PLEKHM2: variants seen among roughly 807,000 people sequenced by gnomAD.
PLEKHM2 encodes pleckstrin homology and RUN domain containing M2.
In PLEKHM2, 77 loss-of-function variants were observed where a neutral mutation model predicts 116.3. That is an observed-to-expected ratio of 0.66 (90% CI 0.55 to 0.80). The LOEUF is 0.80. Ranked by LOEUF, PLEKHM2 falls within the 30% of genes least tolerant of loss-of-function variation. The pLI is 0.00. For synonymous variants in PLEKHM2, 562 were observed against 571.0 expected (o/e 0.98, Z 0.22); for missense variants, 1,183 against 1,354.9 (o/e 0.87, Z 1.99).
rs763345925 is a variant in PLEKHM2 at position 15,727,638 on chromosome 1, G to A, written c.1566G>A (p.Arg522=). The change falls in exon 9 of 20, where the codon AGG becomes AGA. Residue 522 remains arginine (R), a synonymous_variant. Coordinates refer to ENST00000375799, the MANE Select transcript of PLEKHM2 (RefSeq NM_015164.4). The surrounding 1 kb of genome is among the most constrained non-coding windows in gnomAD (Gnocchi z 7.5). ...QTPRPLEDTT[R]EAQELEAQLS... is the part of the protein sequence containing the mutation. ...CTCGGCCCCTAGAGGATACCACGAG[G>A]GAGGCTCAGGAGCTGGAGGCCCAGC... 3 of 1,592,456 alleles carry A rather than the reference G, an allele frequency of 1.9e-6. No homozygotes were observed. The highest frequency in any genetic ancestry group is 2.3e-5 in the South Asian group (2 of 87,770).
Position 15,728,203 on chromosome 1 carries a change from G to A in PLEKHM2, c.1830+55G>A, listed in dbSNP as rs567414668. 1 of 1,603,418 alleles carries A rather than the reference G, an allele frequency of 6.2e-7. No individual in the cohort carries two copies. The highest frequency in any genetic ancestry group is 1.3e-5 in the African/African-American group (1 of 74,854). ...GAGACGGCAAGGGCAAGGCGGGATGGGCCACCGCCCCCGCTGGAGCGGCAG... is the reference window on the plus strand; with the variant it reads ...GAGACGGCAAGGGCAAGGCGGGATGAGCCACCGCCCCCGCTGGAGCGGCAG... On this transcript the variant is annotated intron_variant, in intron 10 of 19. Coordinates refer to ENST00000375799, the MANE Select transcript of PLEKHM2 (RefSeq NM_015164.4). The surrounding 1 kb of genome is among the most constrained non-coding windows in gnomAD (Gnocchi z 5.9).
chr1:15,702,697 C>A (rs1641138934), intron 1 of PLEKHM2, among the ~76,000 whole-genome samples: 1 of 147,192 alleles, frequency 6.8e-6, no homozygotes, highest in African/African-American at 2.5e-5. Context: ...GGATTACAGG[C>A]ATAAGCCACC....
rs1323128668 is a variant in PLEKHM2, at chr1:15,729,589, A to G, written c.2076-208A>G. Among the ~76,000 whole-genome samples the G allele has an allele frequency of 6.6e-6, 1 of 152,050 alleles. No homozygotes were observed. Among genetic ancestry groups the G allele is most frequent in the African/African-American group, 2.4e-5 (1 of 41,408 alleles). ...TGTCAAAATCCAAGGCCCCTTGGCC[A>G]TTGAGAACGATCAGGCCTGTTCCAG... is the stretch of plus-strand genomic sequence containing the variant. On this transcript the variant is annotated intron_variant, in intron 13 of 19. Coordinates refer to ENST00000375799, the MANE Select transcript of PLEKHM2 (RefSeq NM_015164.4). This position sits in a 1 kb window ranked among gnomAD's most constrained non-coding sequence, Gnocchi z 4.7.
chr1:15,734,107 C>G lies in PLEKHM2; in HGVS notation c.*173C>G. On this transcript the variant is annotated 3_prime_UTR_variant, in exon 20 of 20. Coordinates refer to ENST00000375799, the MANE Select transcript of PLEKHM2 (RefSeq NM_015164.4). The stretch of plus-strand genomic sequence containing the variant: ...GTCCCTCCACTCCAGGGATCCAGAT[C>G]AGGTGCCCGGCACCCCTGGGCATCC... 2 of 708,242 alleles carry G rather than the reference C, an allele frequency of 2.8e-6. No homozygotes were observed. The highest frequency in any genetic ancestry group is 2.0e-5 in the South Asian group (1 of 49,456). 43.9% of individuals were successfully genotyped at this position (708,242 alleles called of 1,614,324 possible).
At chr1:15,717,601 C>T (rs765701222) in intron 3 of PLEKHM2, among the ~76,000 whole-genome samples, 2 of 152,158 alleles carry the variant, frequency 1.3e-5, no homozygotes, top group Non-Finnish European at 2.9e-5. Context: ...GGTTTCTCTC[C>T]CTGAGCTGGG....
intron 7 of PLEKHM2, among the ~76,000 whole-genome samples, 190 bp from the exon 8 acceptor site, chr1:15,725,127 A>T (rs1046064299): frequency 3.3e-5 from 5 of 152,254 alleles, no homozygotes; most frequent in Admixed American, 1.3e-4. Flanking sequence ...GTTCCTTCCA[A>T]GTTGCTCCTA....
chr1:15,708,272 A>G (rs1416643723), intron 1 of PLEKHM2, among the ~76,000 whole-genome samples: 1 of 151,600 alleles, frequency 6.6e-6, no homozygotes, highest in Non-Finnish European at 1.5e-5. Context: ...GCTGGAGTGC[A>G]GTGGCACGAT....
intron 2 of PLEKHM2, 101 bp downstream of exon 2, chr1:15,716,444 C>A: frequency 1.3e-6 from 1 of 770,222 alleles, no homozygotes; most frequent in South Asian, 1.7e-5. Flanking sequence ...TTTCTTCTCT[C>A]CCCTTGGCAG....
upstream of PLEKHM2, among the ~76,000 whole-genome samples, chr1:15,682,049 A>T (rs1325945931): frequency 6.6e-6 from 1 of 152,010 alleles, no homozygotes; most frequent in Admixed American, 6.6e-5. Context: ...TACAAAAAAT[A>T]AAATTCGCTG....
rs1361252513 is a variant in PLEKHM2, at chr1:15,686,647, A to ATTTTTTT, written c.60+2029_60+2030insTTTTTTT. The stretch of plus-strand genomic sequence containing the variant: ...AGGTGTGCGCCACCACACCCGGCTA[A>ATTTTTTT]ATTTTTTTTTTTTTTTTTTGAGACG... On this transcript the variant is annotated intron_variant, in intron 1 of 19. Transcript: ENST00000375799. Among the ~76,000 whole-genome samples, 18 of 140,944 alleles carry ATTTTTTT rather than the reference A, an allele frequency of 1.3e-4. 1 individual carries two copies. The highest frequency in any genetic ancestry group is 3.3e-4 in the African/African-American group (11 of 33,608). 92.5% of individuals were successfully genotyped at this position (140,944 alleles called of 152,430 possible).
In PLEKHM2 at chr1:15,728,592, C is replaced by CT; in HGVS notation, c.1922-76dup. 1 of 1,299,476 alleles carries CT rather than the reference C, an allele frequency of 7.7e-7. No individual in the cohort carries two copies. The highest frequency in any genetic ancestry group is 2.5e-5 in the East Asian group (1 of 40,486). 80.5% of individuals were successfully genotyped at this position (1,299,476 alleles called of 1,614,324 possible). On this transcript the variant is annotated intron_variant, in intron 11 of 19. Transcript: ENST00000375799. The surrounding 1 kb of genome is among the most constrained non-coding windows in gnomAD (Gnocchi z 5.9). ...AGGAGAGGCCCTCTAAGAGAGGGGG[C>CT]TGTGTCTAAGAAAATGGGGCAGGGG... is the stretch of plus-strand genomic sequence containing the variant.
intron 1 of PLEKHM2, among the ~76,000 whole-genome samples, chr1:15,695,385 G>A (rs537604282): frequency 2.7e-4 from 41 of 152,320 alleles, no homozygotes; most frequent in Non-Finnish European, 5.7e-4. Context: ...TTGAGAGGAA[G>A]GGGAGTAATA....
At chr1:15,697,294 C>T (rs1192019405) in intron 1 of PLEKHM2, among the ~76,000 whole-genome samples, 1 of 152,182 alleles carries the variant, frequency 6.6e-6, no homozygotes, top group Non-Finnish European at 1.5e-5. Flanking sequence ...GTTTTTCAGG[C>T]CATTGGCTGG....
chr1:15,720,258 C>T (rs1276626625), intron 6 of PLEKHM2: 12 of 816,102 alleles, frequency 1.5e-5, no homozygotes, highest in African/African-American at 9.3e-5. Flanking sequence ...GAAACCTTGT[C>T]GCAGGGTTGA....
chr1:15,730,454 A>AC (rs1327665134), intron 14 of PLEKHM2, 78 bp from the exon 15 acceptor site: 3 of 1,242,724 alleles, frequency 2.4e-6, no homozygotes, highest in Admixed American at 5.8e-5. Context: ...AAAGAAAAAA[A>AC]AAGAACCAGT....
intron 1 of PLEKHM2, among the ~76,000 whole-genome samples, chr1:15,695,148 T>A (rs1640968351): frequency 6.6e-6 from 1 of 152,258 alleles, no homozygotes; most frequent in Non-Finnish European, 1.5e-5. Flanking sequence ...GGTATTAGTT[T>A]CTTATAATTC....
chr1:15,682,633 CAAA>C (rs1316014818), upstream of PLEKHM2, among the ~76,000 whole-genome samples: 1 of 124,338 alleles, frequency 8.0e-6, no homozygotes, highest in Non-Finnish European at 1.7e-5. Flanking sequence ...ACAAACAAAA[CAAA>C]ACAAAACAAA....
intron 1 of PLEKHM2, among the ~76,000 whole-genome samples, chr1:15,705,690 A>G (rs1456113189): frequency 6.6e-6 from 1 of 151,908 alleles, no homozygotes; most frequent in Non-Finnish European, 1.5e-5. Context: ...TGTCCTCTAC[A>G]CTGTAGCCAG....
intron 3 of PLEKHM2, 102 bp downstream of exon 3, chr1:15,716,918 G>T (rs1423666562): frequency 3.5e-6 from 5 of 1,414,310 alleles, no homozygotes; most frequent in Non-Finnish European, 4.8e-6. Context: ...GCCCTGGGAG[G>T]CAAATTACCT....
Sources: gnomAD v4.1 joint callset for allele counts (sites outside exome capture counted in the v4.1 genomes callset) on GRCh38, gnomAD v4.1.1 for gene constraint, Gnocchi (gnomAD v3.1) non-coding constraint, MANE v1.5 for transcripts, NCBI Gene and HGNC (gene_info 2026-07-23, HGNC 2026-07-21) for gene names.